The following SMARCA4 variants were observed in gnomAD, a reference collection of about 807,000 sequenced individuals.
The protein encoded by SMARCA4 is SWI/SNF related BAF chromatin remodeling complex subunit ATPase 4.
Under a neutral mutation model 193.9 loss-of-function variants are expected in SMARCA4, and 31 were observed. That is an observed-to-expected ratio of 0.16 (90% CI 0.12 to 0.22). The LOEUF (loss-of-function observed/expected upper bound fraction) is 0.22, where lower values mean the gene tolerates loss of function less well. Among genes scored for constraint, SMARCA4 ranks in the 10% least tolerant of loss-of-function variants. SMARCA4 has a pLI of 1.00. For missense variants in SMARCA4, 1,148 were observed against 2,296.0 expected (o/e 0.50, Z 10.22); for synonymous variants, 942 against 933.1 (o/e 1.01, Z -0.17).
intron 15 of SMARCA4, 59 bp downstream of exon 15, chr19:11,010,590 G>A (rs2146242495): frequency 6.4e-7 from 1 of 1,560,576 alleles, no homozygotes; most frequent in Non-Finnish European, 8.8e-7. Context: ...GGTGTTCCCA[G>A]GTGGTGCGGG....
rs372931195 is a variant in SMARCA4, at chr19:10,986,292, G to T, written c.459G>T (p.Pro153=). 13 of 1,613,548 alleles carry T rather than the reference G, an allele frequency of 8.1e-6. No individual in the cohort carries two copies. In the African/African-American group the frequency reaches 1.7e-4, roughly 22 times the overall value. ...PQMSSGPGGA[P]LDGADPQALG... ...TGTCTTCCGGGCCAGGAGGTGCCCC[G>T]CTGGATGGTGCTGACCCCCAGGCCT... is the stretch of plus-strand genomic sequence containing the variant. The change falls in exon 4 of 35, where the codon CCG becomes CCT. Residue 153 remains proline, a synonymous_variant. Coordinates refer to ENST00000344626, the MANE Select transcript of SMARCA4 (RefSeq NM_003072.5). This position sits in a 1 kb window ranked among gnomAD's most constrained non-coding sequence, Gnocchi z 6.7.
At chr19:11,039,740 G>A (rs1169353932) in intron 29 of SMARCA4, 1 of 391,478 alleles carries the variant, frequency 2.6e-6, no homozygotes, top group Non-Finnish European at 4.5e-6. Context: ...CTTGAGCCCA[G>A]GAGTTAAAGT....
intron 1 of SMARCA4, among the ~76,000 whole-genome samples, chr19:10,981,830 T>A (rs1303580372): frequency 1.3e-5 from 2 of 150,344 alleles, no homozygotes; most frequent in Non-Finnish European, 3.0e-5. Flanking sequence ...ACAAAAAAAT[T>A]AAGAAAAATT....
At chr19:10,973,607 T>C (rs1466624125) in intron 1 of SMARCA4, among the ~76,000 whole-genome samples, 4 of 143,418 alleles carry the variant, frequency 2.8e-5, no homozygotes, top group Non-Finnish European at 3.0e-5. Context: ...TCTTGCTCTG[T>C]CACCCAGGCT....
At chr19:10,991,015 C>A in intron 7 of SMARCA4, 135 bp from the exon 8 acceptor site, 2 of 1,418,460 alleles carry the variant, frequency 1.4e-6, no homozygotes, top group Non-Finnish European at 9.6e-7. Context: ...ACGTCCCCTG[C>A]ACACACGGAC....
At chr19:11,049,674 C>T (rs945006402) in intron 30 of SMARCA4, among the ~76,000 whole-genome samples, 2 of 152,082 alleles carry the variant, frequency 1.3e-5, no homozygotes, top group Admixed American at 1.3e-4. Context: ...GGGGCACACC[C>T]TTGGTGTGCT....
At chr19:11,010,900 G>A (rs1416543063) in intron 15 of SMARCA4, 1 of 354,626 alleles carries the variant, frequency 2.8e-6, no homozygotes, top group Non-Finnish European at 5.5e-6. Flanking sequence ...CCGGAGCTCA[G>A]ATCTGGGCAT....
rs542498005 is a variant in SMARCA4 at position 11,033,152 on chromosome 19, G to C, written c.3547-138G>C. ...GGCTCCACCAGCTCTGTTTTCATGC[G>C]GCGGCAGGTCAGGCTGGGCAGAATT... On this transcript the variant is annotated intron_variant, in intron 25 of 34. Transcript: ENST00000344626. The surrounding 1 kb of genome is among the most constrained non-coding windows in gnomAD (Gnocchi z 9.8). The C allele has an allele frequency of 8.3e-6, 6 of 722,168 alleles. No individual in the cohort carries two copies. The highest frequency in any genetic ancestry group is 1.7e-5 in the African/African-American group (1 of 57,524). 44.7% of individuals were successfully genotyped at this position (722,168 alleles called of 1,614,324 possible).
At chr19:11,018,819 C>T (rs1480102517) in intron 16 of SMARCA4, 138 bp from the exon 17 acceptor site, 4 of 791,856 alleles carry the variant, frequency 5.1e-6, no homozygotes, top group Non-Finnish European at 9.3e-6. Flanking sequence ...CCCTCAGCTG[C>T]CCTAAACACA....
chr19:11,013,459 T>C (rs2089051878), intron 16 of SMARCA4, among the ~76,000 whole-genome samples: 1 of 152,180 alleles, frequency 6.6e-6, no homozygotes, highest in African/African-American at 2.4e-5. Flanking sequence ...GTATTGGCCC[T>C]GTCTCCAGGT....
chr19:11,042,700 C>G (rs112479915), intron 30 of SMARCA4, among the ~76,000 whole-genome samples: 1 of 152,182 alleles, frequency 6.6e-6, no homozygotes, highest in Non-Finnish European at 1.5e-5. Flanking sequence ...AAAATTACCG[C>G]GCAAGGCCAG....
intron 1 of SMARCA4, among the ~76,000 whole-genome samples, chr19:10,982,726 G>A (rs1023845231): frequency 2.0e-5 from 3 of 151,928 alleles, no homozygotes; most frequent in African/African-American, 7.2e-5. Flanking sequence ...GGATGGTCTC[G>A]ATCTCCTGAC....
At chr19:11,056,710 C>G (rs2076566292) in intron 30 of SMARCA4, among the ~76,000 whole-genome samples, 1 of 152,180 alleles carries the variant, frequency 6.6e-6, no homozygotes, top group Admixed American at 6.6e-5. Flanking sequence ...GTCTGCATCT[C>G]AGGAGGCTCT....
intron 16 of SMARCA4, among the ~76,000 whole-genome samples, chr19:11,015,590 G>T (rs1200440506): frequency 6.6e-6 from 1 of 152,132 alleles, no homozygotes; most frequent in Non-Finnish European, 1.5e-5. Context: ...TAACTGTCTC[G>T]TGGGAACGTA....
rs146405435 is a variant in SMARCA4 at position 11,051,522 on chromosome 19, C to T, written c.4425-6733C>T. On this transcript the variant is annotated intron_variant, in intron 30 of 34. Transcript: ENST00000344626. ...TTTTTTTTTTTTTGAGACAGAGTCT[C>T]ACTCTGTCGCCAGGCTGGAGTGCAG... 7.6e-3 allele frequency among the ~76,000 whole-genome samples: 1,121 copies of T among 147,188 alleles called. 11 individuals carry two copies. Among genetic ancestry groups the T allele is most frequent in the African/African-American group, 0.027 (1,058 of 39,328 alleles).
Position 11,059,760 on chromosome 19 carries a change from A to G in SMARCA4, c.4643A>G (p.Glu1548Gly), listed in dbSNP as rs2147112976. Residue 1548 changes from glutamate (E) to glycine (G), a missense_variant, in exon 33 of 35, where the codon GAA becomes GGA. Physicochemically the swap from Glu to Gly is moderately conservative, Grantham distance 98. Around this residue, in one of 17 missense-constraint regions of SMARCA4, gnomAD observed 4 missense variants for 24.7 expected, o/e 0.16. Coordinates refer to ENST00000344626, the MANE Select transcript of SMARCA4 (RefSeq NM_003072.5). ...CCTGGTGTCTCTGCCCAGATCTATGAAGACTCCATCGTCTTGCAGTCGGTC... is the reference window on the plus strand; with the variant it reads ...CCTGGTGTCTCTGCCCAGATCTATGGAGACTCCATCGTCTTGCAGTCGGTC... ...TFNLEGSLIY[E>G]DSIVLQSVFT... is the part of the protein sequence containing the mutation. 6.4e-7 allele frequency: 1 copy of G among 1,573,864 alleles called. No homozygotes were observed.
At chr19:11,028,469 C>T (rs925904946) in intron 24 of SMARCA4, among the ~76,000 whole-genome samples, 11 of 152,198 alleles carry the variant, frequency 7.2e-5, no homozygotes, top group Non-Finnish European at 1.0e-4. Context: ...TGCTGTGAGC[C>T]GCATGCCCAT....
rs1402457315 is a variant in SMARCA4 at position 11,030,947 on chromosome 19, C to A, written c.3546+54C>A. On this transcript the variant is annotated intron_variant, in intron 25 of 34. Coordinates refer to ENST00000344626, the MANE Select transcript of SMARCA4 (RefSeq NM_003072.5). The surrounding 1 kb of genome is among the most constrained non-coding windows in gnomAD (Gnocchi z 5.5). ...GAGAAGGAAGGGGGTGCCTGCAAAACCTCGAGGAGACGGCCCTGGCTTGAG... is the reference window on the plus strand; with the variant it reads ...GAGAAGGAAGGGGGTGCCTGCAAAAACTCGAGGAGACGGCCCTGGCTTGAG... The A allele has an allele frequency of 6.5e-6, 10 of 1,545,928 alleles. No homozygotes were observed. The highest frequency in any genetic ancestry group is 1.7e-4 in the Middle Eastern group (1 of 5,910).
intron 11 of SMARCA4, among the ~76,000 whole-genome samples, chr19:11,002,342 G>A (rs1004937957): frequency 6.6e-6 from 1 of 152,128 alleles, no homozygotes; most frequent in Non-Finnish European, 1.5e-5. Flanking sequence ...AGCTGGGCAT[G>A]GTGATGGGCA....
Sources: allele counts gnomAD v4.1 joint callset (sites outside exome capture counted in the v4.1 genomes callset), GRCh38; gene constraint gnomAD v4.1.1; regional missense constraint gnomAD v4.1.1; non-coding constraint Gnocchi (gnomAD v3.1); transcripts MANE v1.5; gene names NCBI Gene and HGNC (gene_info 2026-07-23, HGNC 2026-07-21).